The following STK3 variants were observed in gnomAD, a reference collection of about 807,000 sequenced individuals.
The protein encoded by STK3 is serine/threonine-protein kinase 3.
A neutral mutation model predicts 58.0 loss-of-function variants in STK3; 41 were observed. That is an observed-to-expected ratio of 0.71 (90% CI 0.55 to 0.92). STK3 has a LOEUF of 0.92. Among genes scored for constraint, STK3 ranks in the 40% least tolerant of loss-of-function variants. STK3 has a pLI of 0.00. For missense variants in STK3, 479 were observed against 602.7 expected (o/e 0.79, Z 2.15); for synonymous variants, 170 against 191.0 (o/e 0.89, Z 0.91).
At chr8:98,792,896 A>ATG (rs34465301) in intron 1 of STK3, among the ~76,000 whole-genome samples, 95,551 of 145,568 alleles carry the variant, frequency 0.66, 31,350 homozygotes, top group South Asian at 0.78. Flanking sequence ...AAGAGACTGT[A>ATG]TGTGTGTGTG....
chr8:98,698,274 G>A (rs1230569650), intron 6 of STK3, among the ~76,000 whole-genome samples: 10 of 151,406 alleles, frequency 6.6e-5, no homozygotes, highest in African/African-American at 2.4e-4. Context: ...CGTGAGATGG[G>A]TTTCCTGAAT....
At chr8:98,704,575 A>C (rs966773378) in intron 6 of STK3, among the ~76,000 whole-genome samples, 14 of 152,066 alleles carry the variant, frequency 9.2e-5, no homozygotes, top group Admixed American at 9.2e-4. Flanking sequence ...TTAAAAAAAA[A>C]AAAACAGTGA....
chr8:98,488,451 T>C (rs973870031), intron 10 of STK3, among the ~76,000 whole-genome samples: 2 of 152,186 alleles, frequency 1.3e-5, no homozygotes, highest in Non-Finnish European at 1.5e-5. Context: ...CAAAACTGTT[T>C]CCTAGTTACT....
At chr8:98,861,508 C>T (rs143937807) in intron 3 of STK3, among the ~76,000 whole-genome samples, 2 of 151,598 alleles carry the variant, frequency 1.3e-5, no homozygotes, top group Admixed American at 1.3e-4. Flanking sequence ...CCACCATGCC[C>T]GGCTAATTTT....
intron 1 of STK3, among the ~76,000 whole-genome samples, chr8:98,805,575 C>CAAA (rs963241095): frequency 4.6e-5 from 7 of 151,032 alleles, no homozygotes; most frequent in Middle Eastern, 6.9e-3. Flanking sequence ...ACTCCATCTC[C>CAAA]AAAAAATAAT....
chr8:98,413,958 ATTCTT>A (rs776803729), intron 3 of STK3, among the ~76,000 whole-genome samples: 75 of 152,262 alleles, frequency 4.9e-4, no homozygotes, highest in Middle Eastern at 3.4e-3. Context: ...TGAAAACCAT[ATTCTT>A]CTCTAAAAGA....
At chr8:98,374,147 C>T (rs925573397) in intron 2 of STK3, among the ~76,000 whole-genome samples, 7 of 152,284 alleles carry the variant, frequency 4.6e-5, no homozygotes, top group African/African-American at 7.2e-5. Flanking sequence ...ATGAAGGGAA[C>T]GTTTTACAGG....
Position 98,680,981 on chromosome 8 carries a change from CT to C in STK3, c.684+25485del, listed in dbSNP as rs371666746. On this transcript the variant is annotated intron_variant, in intron 6 of 10. Transcript: ENST00000419617. Reference sequence around the variant, plus strand: ...TTCTATAGTTTCTAACCCCACCTTTCTTTTTTTTTTTTTTTTTTGGTGTTGT... The same window carrying C: ...TTCTATAGTTTCTAACCCCACCTTTCTTTTTTTTTTTTTTTTTGGTGTTGT... Among the ~76,000 whole-genome samples, 423 of 124,734 alleles carry C rather than the reference CT, an allele frequency of 3.4e-3. 1 individual carries two copies. The highest frequency in any genetic ancestry group is 5.8e-3 in the African/African-American group (195 of 33,910). 81.8% of individuals were successfully genotyped at this position (124,734 alleles called of 152,430 possible). A position where few individuals can be genotyped will look rare whatever the true frequency, so the allele number is the denominator to read the frequency against.
chr8:98,918,172 A>G (rs926835001), intron 1 of STK3, among the ~76,000 whole-genome samples: 11 of 152,174 alleles, frequency 7.2e-5, no homozygotes, highest in African/African-American at 2.2e-4. Flanking sequence ...CTTCAAAAGC[A>G]CTAGAAGAGA....
intron 6 of STK3, among the ~76,000 whole-genome samples, chr8:98,648,684 G>A (rs960153204): frequency 6.6e-6 from 1 of 152,098 alleles, no homozygotes; most frequent in Non-Finnish European, 1.5e-5. Context: ...CTTGAGATCA[G>A]GAGTTCAAGC....
chr8:98,651,231 G>T (rs1048053765), intron 6 of STK3, among the ~76,000 whole-genome samples: 1 of 152,192 alleles, frequency 6.6e-6, no homozygotes, highest in Non-Finnish European at 1.5e-5. Flanking sequence ...CAGGCAAACC[G>T]AGTCTGGAGT....
intron 3 of STK3, among the ~76,000 whole-genome samples, chr8:98,855,811 A>G (rs1836646845): frequency 6.6e-6 from 1 of 152,110 alleles, no homozygotes; most frequent in South Asian, 2.1e-4. Context: ...ATTTGAGATC[A>G]GGAGTCTGAG....
At chr8:98,932,681 C>A (rs754888258) in intron 1 of STK3, among the ~76,000 whole-genome samples, 10 of 152,182 alleles carry the variant, frequency 6.6e-5, no homozygotes, top group Non-Finnish European at 1.2e-4. Flanking sequence ...AATTCAGATT[C>A]TCATTCAGGA....
At chr8:98,598,791 T>A (rs1317068517) in intron 6 of STK3, 1 of 985,296 alleles carries the variant, frequency 1.0e-6, no homozygotes, top group East Asian at 1.1e-4. Context: ...ATGACATGAT[T>A]ATCCTTGTGT....
At chr8:98,881,338 A>T (rs941781125), downstream of STK3, 8 of 152,274 alleles carry the variant, frequency 5.3e-5, no homozygotes, top group Admixed American at 2.6e-4. Context: ...CTATGGAGAC[A>T]GTAAAAGGTC....
intron 1 of STK3, among the ~76,000 whole-genome samples, chr8:98,903,327 G>T (rs1028902335): frequency 6.6e-6 from 1 of 152,112 alleles, no homozygotes; most frequent in African/African-American, 2.4e-5. Flanking sequence ...TTATGGGCAG[G>T]TGATAGAAAA....
intron 4 of STK3, among the ~76,000 whole-genome samples, chr8:98,747,837 C>T (rs1452862623): frequency 3.9e-5 from 6 of 152,078 alleles, no homozygotes; most frequent in Non-Finnish European, 8.8e-5. Flanking sequence ...GTTGTGTGAG[C>T]GTAACAACTA....
chr8:98,572,911 G>A (rs1053374309), intron 8 of STK3, among the ~76,000 whole-genome samples: 2 of 151,932 alleles, frequency 1.3e-5, no homozygotes, highest in African/African-American at 4.8e-5. Flanking sequence ...CTTTGCCCCA[G>A]AGAATAAATG....
intron 3 of STK3, chr8:98,427,897 G>A: frequency 3.2e-6 from 4 of 1,239,394 alleles, no homozygotes; most frequent in Non-Finnish European, 4.4e-6. Context: ...CCCCGCCAGG[G>A]CGCACGGCGC....
Sources: allele counts gnomAD v4.1 joint callset (sites outside exome capture counted in the v4.1 genomes callset), GRCh38; gene constraint gnomAD v4.1.1; transcripts MANE v1.5; gene names NCBI Gene and HGNC (gene_info 2026-07-23, HGNC 2026-07-21).